Variants in MACF1 observed in about 807,000 individuals in gnomAD.
MACF1 encodes the protein microtubule-actin cross-linking factor 1.
Under a neutral mutation model 854.8 loss-of-function variants are expected in MACF1, and 193 were observed. The observed-to-expected ratio is 0.23, with a 90% CI of 0.20 to 0.25. MACF1 has a LOEUF of 0.25. Among genes scored for constraint, MACF1 ranks in the 10% least tolerant of loss-of-function variants. MACF1 has a pLI of 1.00. For synonymous variants in MACF1, 3,185 were observed against 3,226.7 expected (o/e 0.99, Z 0.44); for missense variants, 7,722 against 8,929.1 (o/e 0.86, Z 5.45).
At chr1:39,449,697 A>ATTTTT (rs4012670) in intron 84 of MACF1, among the ~76,000 whole-genome samples, 24,243 of 129,398 alleles carry the variant, frequency 0.19, 2,747 homozygotes, top group Non-Finnish European at 0.21. Context: ...CGCGCCTGGC[A>ATTTTT]TTTTTTTTTT....
intron 58 of MACF1, among the ~76,000 whole-genome samples, chr1:39,393,196 A>ATATATATAT (rs1553345252): frequency 1.0e-3 from 69 of 66,550 alleles, no homozygotes; most frequent in Non-Finnish European, 1.4e-3. Flanking sequence ...AAAAAAAAAA[A>ATATATATAT]ATATATATAT....
chr1:39,433,729 G>C (rs954722699), intron 68 of MACF1, among the ~76,000 whole-genome samples: 1 of 152,102 alleles, frequency 6.6e-6, no homozygotes, highest in Non-Finnish European at 1.5e-5. Context: ...GGCAAAACTT[G>C]ATAGGCAAAG....
rs1386008148 is a variant in MACF1, at chr1:39,361,452, A to G, written c.12546A>G (p.Thr4182=). ...TRFMETADST[T]AAVLQGKLAE... ...TCATGGAGACAGCAGACAGTACTAC[A>G]GCAGCAGTGCTGCAGGGCAAACTGG... Residue 4182 remains threonine (T), a synonymous_variant, in exon 49 of 101, where the codon ACA becomes ACG. Coordinates refer to ENST00000564288, the MANE Select transcript of MACF1 (RefSeq NM_001394062.1). The G allele has an allele frequency of 6.2e-7, 1 of 1,614,212 alleles. No homozygotes were observed. Among genetic ancestry groups the G allele is most frequent in the South Asian group, 1.1e-5 (1 of 91,082 alleles).
chr1:39,269,575 C>G, intron 6 of MACF1: 5 of 1,289,812 alleles, frequency 3.9e-6, no homozygotes, highest in Non-Finnish European at 5.1e-6. Flanking sequence ...TTGCCCTCCT[C>G]CTCTGGCTAT....
chr1:39,374,539 A>G (rs1298483617), intron 52 of MACF1, among the ~76,000 whole-genome samples: 3 of 152,184 alleles, frequency 2.0e-5, no homozygotes, highest in African/African-American at 7.2e-5. Context: ...CTTTTTCTAT[A>G]AAGGGCCAGA....
chr1:39,430,025 C>T lies in MACF1; in HGVS notation c.17087C>T (p.Ser5696Phe). The change falls in exon 65 of 101, where the codon TCT (serine) becomes TTT (phenylalanine). Residue 5696 changes from serine to phenylalanine, a missense_variant. By Grantham distance (155) the Ser-to-Phe change is radical (BLOSUM62 -2). Coordinates refer to ENST00000564288, the MANE Select transcript of MACF1 (RefSeq NM_001394062.1). The stretch of plus-strand genomic sequence containing the variant: ...GAGCTGGCAACCAGTGGAGGACAGT[C>T]TCCCACAGGGGAACAGATACCCCAG... The part of the protein sequence containing the change: ...EEELATSGGQ[S>F]PTGEQIPQFQ... The T allele has an allele frequency of 6.2e-7, 1 of 1,613,856 alleles. No individual in the cohort carries two copies. The highest frequency in any genetic ancestry group is 8.5e-7 in the Non-Finnish European group (1 of 1,179,870).
rs78423070 is a variant in MACF1, at chr1:39,287,680, C to A, written c.1785+118C>A. 4.4e-3 allele frequency: 5,093 copies of A among 1,166,790 alleles called. 186 individuals are homozygous for A. The African/African-American group carries it at 0.071, about 16-fold the overall frequency. 72.3% of individuals were successfully genotyped at this position (1,166,790 alleles called of 1,614,324 possible). The stretch of plus-strand genomic sequence containing the variant: ...GCAGATTCCCTTAATTATTATTATT[C>A]TTTTATTTGAGTGATGGGGTCTTGC... On this transcript the variant is annotated intron_variant, in intron 15 of 100. Coordinates refer to ENST00000564288, the MANE Select transcript of MACF1 (RefSeq NM_001394062.1).
chr1:39,406,368 C>G (rs1419427560), intron 58 of MACF1, among the ~76,000 whole-genome samples: 2 of 152,088 alleles, frequency 1.3e-5, no homozygotes, highest in Non-Finnish European at 2.9e-5. Context: ...TAAGAAAAGT[C>G]TGGATTGGTT....
chr1:39,124,978 A>C (rs985077005), intron 2 of MACF1, among the ~76,000 whole-genome samples: 4 of 152,212 alleles, frequency 2.6e-5, no homozygotes, highest in African/African-American at 9.7e-5. Context: ...GTGTGATGGA[A>C]ATCAGGAAAC....
intron 79 of MACF1, among the ~76,000 whole-genome samples, chr1:39,444,123 CAGG>C (rs1644175429): frequency 6.6e-6 from 1 of 152,128 alleles, no homozygotes; most frequent in Admixed American, 6.5e-5. Context: ...ATCATGAGGT[CAGG>C]AGATCAAGAC....
intron 2 of MACF1, among the ~76,000 whole-genome samples, chr1:39,173,475 A>G (rs1643981422): frequency 6.6e-6 from 1 of 152,226 alleles, no homozygotes; most frequent in Non-Finnish European, 1.5e-5. Flanking sequence ...TTCAGGGTTT[A>G]GGCCTGATTT....
chr1:39,260,321 A>G (rs1645147456), intron 6 of MACF1: 1 of 150,702 alleles, frequency 6.6e-6, no homozygotes, highest in South Asian at 2.1e-4. Context: ...TATTGACCAC[A>G]GTCTGAATGC....
chr1:39,263,014 G>A (rs1213098671), intron 6 of MACF1, among the ~76,000 whole-genome samples: 1 of 143,984 alleles, frequency 6.9e-6, no homozygotes, highest in Admixed American at 7.4e-5. Context: ...GGCATGGTAT[G>A]TCTTTTGCTA....
intron 36 of MACF1, 178 bp from the exon 37 acceptor site, chr1:39,331,025 T>C: frequency 3.7e-6 from 3 of 821,716 alleles, no homozygotes; most frequent in Non-Finnish European, 3.5e-6. Context: ...GGTCTCAGAC[T>C]CCTGACCTCA....
chr1:39,476,043 T>G (rs1312439872), intron 97 of MACF1, among the ~76,000 whole-genome samples: 2 of 152,208 alleles, frequency 1.3e-5, no homozygotes, highest in South Asian at 2.1e-4. Flanking sequence ...AGCAGAGAGA[T>G]GTTTTTACCT....
chr1:39,114,185 T>TG (rs1166869268), intron 2 of MACF1, among the ~76,000 whole-genome samples: 1 of 143,980 alleles, frequency 6.9e-6, no homozygotes, highest in Non-Finnish European at 1.5e-5. Context: ...CTTTACTGTT[T>TG]TTTTTTTTTT....
rs573065098 is a variant in MACF1, at chr1:39,287,688, T to G, written c.1785+126T>G. ...CCTTAATTATTATTATTCTTTTATT[T>G]GAGTGATGGGGTCTTGCTATGTTGC... On this transcript the variant is annotated intron_variant, in intron 15 of 100. Transcript: ENST00000564288. 1,207 of 1,083,204 alleles carry G rather than the reference T, an allele frequency of 1.1e-3. 17 individuals are homozygous for G. The South Asian group carries it at 0.018, about 16-fold the overall frequency. 67.1% of individuals were successfully genotyped at this position (1,083,204 alleles called of 1,614,324 possible). A position where few individuals can be genotyped will look rare whatever the true frequency, so the allele number is the denominator to read the frequency against.
Position 39,357,618 on chromosome 1 carries a change from G to C in MACF1, c.11668G>C (p.Glu3890Gln). 1.2e-6 allele frequency: 2 copies of C among 1,614,178 alleles called. No individual in the cohort carries two copies. Among genetic ancestry groups the C allele is most frequent in the Non-Finnish European group, 1.7e-6 (2 of 1,180,046 alleles). Residue 3890 changes from glutamate (E) to glutamine (Q), a missense_variant, in exon 45 of 101, where the codon GAA becomes CAA. Around this residue, in one of 15 missense-constraint regions of MACF1, gnomAD observed 2,807 missense variants for 3,235.8 expected, o/e 0.87. Transcript: ENST00000564288. ...QKFLQDHKEF[E>Q]SWLERSEKEL... The stretch of plus-strand genomic sequence containing the variant: ...ATTTCTGCAGGATCATAAAGAGTTT[G>C]AAAGCTGGTTGGAACGATCCGAGAA...
At chr1:39,278,791 G>T (rs558899554) in intron 6 of MACF1, among the ~76,000 whole-genome samples, 6 of 152,228 alleles carry the variant, frequency 3.9e-5, no homozygotes, top group Admixed American at 1.3e-4. Flanking sequence ...AGGAAGAGCC[G>T]TGATCCATTA....
Sources: allele counts gnomAD v4.1 joint callset (sites outside exome capture counted in the v4.1 genomes callset), GRCh38; gene constraint gnomAD v4.1.1; regional missense constraint gnomAD v4.1.1; transcripts MANE v1.5; gene names NCBI Gene and HGNC (gene_info 2026-07-23, HGNC 2026-07-21).